CRB1: variants seen among roughly 807,000 people sequenced by gnomAD.
CRB1 encodes the protein crumbs cell polarity complex component 1.
Under a neutral mutation model 120.0 loss-of-function variants are expected in CRB1, and 83 were observed. The observed-to-expected ratio is 0.69, with a 90% CI of 0.58 to 0.83. The LOEUF (loss-of-function observed/expected upper bound fraction) is 0.83. CRB1 is among the 40% of genes least tolerant of loss of function. The probability of loss-of-function intolerance (pLI) is 0.00; values close to 1 mark genes in which losing one functional copy is unlikely to be tolerated. For missense variants in CRB1, 1,699 were observed against 1,687.6 expected (o/e 1.01, Z -0.12); for synonymous variants, 625 against 612.5 (o/e 1.02, Z -0.30).
chr1:197,228,912 G>A, the CRB1 span, among the ~76,000 whole-genome samples: 2 of 152,130 alleles, frequency 1.3e-5, no homozygotes, highest in African/African-American at 4.8e-5. Flanking sequence ...GTGCAAAAGC[G>A]GAAACCCCTG....
intron 11 of CRB1, among the ~76,000 whole-genome samples, chr1:197,475,821 C>G (rs1455730069): frequency 1.3e-5 from 2 of 152,058 alleles, no homozygotes; most frequent in African/African-American, 4.8e-5. Flanking sequence ...CACCCTTTCC[C>G]AATTCAAACA....
the CRB1 span, among the ~76,000 whole-genome samples, chr1:197,213,813 A>C: frequency 6.6e-6 from 1 of 152,176 alleles, no homozygotes. Flanking sequence ...TCAAAAGGGA[A>C]ATTTAAAAAC....
In CRB1 at chr1:197,347,327, A is replaced by C; in HGVS notation, c.849-13A>C. 3.7e-6 allele frequency: 6 copies of C among 1,612,522 alleles called. No homozygotes were observed. The highest frequency in any genetic ancestry group is 5.1e-6 in the Non-Finnish European group (6 of 1,178,566). The stretch of plus-strand genomic sequence containing the variant: ...GACTAAGAGTTGACATGAAAATTTC[A>C]TTTACTTTCCAGATATAGCTGTAAC... On this transcript the variant is annotated splice_polypyrimidine_tract_variant and intron_variant, in intron 3 of 11. Coordinates refer to ENST00000367400, the MANE Select transcript of CRB1 (RefSeq NM_201253.3).
chr1:197,274,425 A>C (rs1313071244), intron 1 of CRB1, among the ~76,000 whole-genome samples: 2 of 151,998 alleles, frequency 1.3e-5, no homozygotes, highest in Non-Finnish European at 2.9e-5. Flanking sequence ...TGTTGTGTCA[A>C]AGTCTGAATT....
At chr1:197,383,536 T>C (rs1329025212) in intron 5 of CRB1, among the ~76,000 whole-genome samples, 2 of 152,318 alleles carry the variant, frequency 1.3e-5, no homozygotes, top group East Asian at 3.9e-4. Context: ...TTCTCAAATG[T>C]CCCTTATACA....
intron 5 of CRB1, chr1:197,413,835 A>G (rs1487559682): frequency 4.5e-6 from 2 of 440,074 alleles, no homozygotes; most frequent in Non-Finnish European, 9.2e-6. Flanking sequence ...ACCTGCGAGA[A>G]AGAGGTGACA....
chr1:197,271,416 A>G (rs944903337), intron 1 of CRB1, among the ~76,000 whole-genome samples: 6 of 152,108 alleles, frequency 3.9e-5, no homozygotes, highest in African/African-American at 1.4e-4. Flanking sequence ...ATGTCCTTCC[A>G]GTTGAGGACA....
chr1:197,225,311 T>G, the CRB1 span, among the ~76,000 whole-genome samples: 1 of 152,240 alleles, frequency 6.6e-6, no homozygotes, highest in South Asian at 2.1e-4. Context: ...CTTTCCATTA[T>G]GAATTAATGT....
chr1:197,438,461 G>T (rs969923046), intron 9 of CRB1, 86 bp from the exon 10 acceptor site: 19 of 1,523,892 alleles, frequency 1.2e-5, no homozygotes, highest in Non-Finnish European at 1.7e-5. Flanking sequence ...GCTTGGCATT[G>T]ACTACATACA....
chr1:197,444,075 C>A (rs1665587041), intron 11 of CRB1: 1 of 152,026 alleles, frequency 6.6e-6, no homozygotes, highest in Non-Finnish European at 1.5e-5. Flanking sequence ...TCTATTTAGT[C>A]CCAATTAAGA....
chr1:197,353,814 TAAAAAAAAA>T (rs57274486), intron 4 of CRB1, among the ~76,000 whole-genome samples: 2 of 89,430 alleles, frequency 2.2e-5, no homozygotes, highest in Non-Finnish European at 4.2e-5. Context: ...AATATATAAA[TAAAAAAAAA>T]AAAAAAAAAA....
chr1:197,396,726 T>C (rs1052050038), intron 5 of CRB1, among the ~76,000 whole-genome samples: 1 of 152,132 alleles, frequency 6.6e-6, no homozygotes, highest in Non-Finnish European at 1.5e-5. Flanking sequence ...GGAAGTCCTC[T>C]CAACAAACAA....
chr1:197,460,975 C>T (rs944119125), intron 11 of CRB1, among the ~76,000 whole-genome samples: 3 of 152,114 alleles, frequency 2.0e-5, no homozygotes, highest in Non-Finnish European at 4.4e-5. Flanking sequence ...TTTTGCTCTA[C>T]GGCCCTAATA....
At chr1:197,258,113 A>G in the CRB1 span, among the ~76,000 whole-genome samples, 4 of 152,198 alleles carry the variant, frequency 2.6e-5, no homozygotes, top group Non-Finnish European at 5.9e-5. Flanking sequence ...TGATAACACA[A>G]TAGGGTGACT....
chr1:197,288,893 AAG>A (rs1352806932), intron 1 of CRB1, among the ~76,000 whole-genome samples: 2 of 151,820 alleles, frequency 1.3e-5, no homozygotes, highest in African/African-American at 4.8e-5. Flanking sequence ...CTCCCTGAAA[AAG>A]AGAGTGAGAA....
chr1:197,387,292 G>A (rs929848687), intron 5 of CRB1, among the ~76,000 whole-genome samples: 3 of 152,134 alleles, frequency 2.0e-5, no homozygotes, highest in Admixed American at 2.0e-4. Context: ...TGTAGCTAAT[G>A]TAGCTACATT....
chr1:197,222,753 C>A, the CRB1 span: 3 of 990,684 alleles, frequency 3.0e-6, no homozygotes, highest in South Asian at 1.3e-5. Context: ...AGTTGACTTG[C>A]TCTTTCTTTC....
chr1:197,367,654 CA>C (rs559194269), intron 5 of CRB1, among the ~76,000 whole-genome samples: 232 of 152,232 alleles, frequency 1.5e-3, no homozygotes, highest in South Asian at 2.5e-3. Context: ...AACAAGTTTC[CA>C]AACCATCTCA....
At chr1:197,464,342 G>T (rs1403838442) in intron 11 of CRB1, among the ~76,000 whole-genome samples, 1 of 152,168 alleles carries the variant, frequency 6.6e-6, no homozygotes, top group Non-Finnish European at 1.5e-5. Flanking sequence ...CTTGGAAACA[G>T]GATTGGGGAG....
Sources: allele counts gnomAD v4.1 joint callset (sites outside exome capture counted in the v4.1 genomes callset), GRCh38; gene constraint gnomAD v4.1.1; transcripts MANE v1.5; gene names NCBI Gene and HGNC (gene_info 2026-07-23, HGNC 2026-07-21).